The following NUP153 variants were observed in gnomAD, a reference collection of about 807,000 sequenced individuals.
The protein encoded by NUP153 is nucleoporin 153, also known as nuclear pore complex protein Nup153.
NUP153 carries 27 observed loss-of-function variants against 134.6 expected under a neutral mutation model. The observed-to-expected ratio is 0.20, with a 90% CI of 0.15 to 0.28. NUP153 has a LOEUF of 0.28. Among genes scored for constraint, NUP153 ranks in the 10% least tolerant of loss-of-function variants. The probability of loss-of-function intolerance (pLI) is 1.00; values close to 1 mark genes in which losing one functional copy is unlikely to be tolerated. For missense variants in NUP153, 1,821 were observed against 1,731.3 expected (o/e 1.05, Z -0.92); for synonymous variants, 640 against 623.5 (o/e 1.03, Z -0.40).
chr6:17,647,375 G>C (rs1766250828), intron 13 of NUP153, among the ~76,000 whole-genome samples: 1 of 152,094 alleles, frequency 6.6e-6, no homozygotes, highest in Non-Finnish European at 1.5e-5. Flanking sequence ...AGTTGATTAG[G>C]TCCTAGTCTT....
At chr6:17,664,855 C>G (rs1032365180) in intron 9 of NUP153, among the ~76,000 whole-genome samples, 6 of 151,968 alleles carry the variant, frequency 3.9e-5, no homozygotes, top group Non-Finnish European at 8.8e-5. Context: ...GAGTTCGAGA[C>G]CAGCCTGGCC....
chr6:17,631,419 G>C (rs571372155), intron 17 of NUP153, among the ~76,000 whole-genome samples: 1 of 152,280 alleles, frequency 6.6e-6, no homozygotes, highest in East Asian at 1.9e-4. Context: ...TATGTTGCCT[G>C]GCAGTGAAGT....
chr6:17,699,481 C>CAAAA (rs147055009), intron 1 of NUP153, among the ~76,000 whole-genome samples: 1,617 of 97,492 alleles, frequency 0.017, 38 homozygotes, highest in African/African-American at 0.063. Context: ...AGACTCGTCT[C>CAAAA]AAAAAAAAAA....
At chr6:17,662,833 A>G (rs533829773) in intron 9 of NUP153, among the ~76,000 whole-genome samples, 2 of 152,280 alleles carry the variant, frequency 1.3e-5, no homozygotes, top group Non-Finnish European at 2.9e-5. Flanking sequence ...AATCATGAGG[A>G]AACATCAGAC....
chr6:17,693,999 AT>A (rs1769459690), intron 1 of NUP153, among the ~76,000 whole-genome samples: 1 of 152,074 alleles, frequency 6.6e-6, no homozygotes, highest in Non-Finnish European at 1.5e-5. Context: ...TCCCAGCTTT[AT>A]TTTTTATTAA....
In NUP153 at chr6:17,674,990, T is replaced by A; in HGVS notation, c.767A>T (p.Asp256Val). ...TGTTTTTCCAGGATAAAAAGGAGAA[T>A]CTCCAAGCTGACTGGTTTTAAGGAT... is the stretch of plus-strand genomic sequence containing the variant. ...SSILKTSQLG[D>V]SPFYPGKTTY... Residue 256 changes from aspartate (D) to valine (V), a missense_variant, in exon 5 of 22, where the codon GAT becomes GTT. Coordinates refer to ENST00000262077, the MANE Select transcript of NUP153 (RefSeq NM_005124.4). 6.2e-7 allele frequency: 1 copy of A among 1,613,346 alleles called. No homozygotes were observed. The highest frequency in any genetic ancestry group is 1.7e-4 in the Middle Eastern group (1 of 6,056).
chr6:17,629,421 A>G lies in NUP153; in HGVS notation c.2778T>C (p.Phe926=). The G allele has an allele frequency of 1.2e-6, 2 of 1,614,134 alleles. No homozygotes were observed. Among genetic ancestry groups the G allele is most frequent in the South Asian group, 1.1e-5 (1 of 91,086 alleles). ...CTATTTTGAATCCTCCCTGATCTCCAAATTTAAAATTTCCAGTGCTTGTTA... is the reference window on the plus strand; with the variant it reads ...CTATTTTGAATCCTCCCTGATCTCCGAATTTAAAATTTCCAGTGCTTGTTA... ...QTLTSTGNFK[F]GDQGGFKIGV... The change falls in exon 18 of 22, where the codon TTT becomes TTC. Residue 926 remains phenylalanine (F), a synonymous_variant. Coordinates refer to ENST00000262077, the MANE Select transcript of NUP153 (RefSeq NM_005124.4).
intron 10 of NUP153, 65 bp downstream of exon 10, chr6:17,661,953 T>C (rs1442913432): frequency 5.3e-6 from 7 of 1,315,144 alleles, no homozygotes; most frequent in South Asian, 1.3e-5. Flanking sequence ...AAGGTACATG[T>C]AAATTAAATA....
chr6:17,658,176 GATCATTT>G (rs1316872973), intron 11 of NUP153, among the ~76,000 whole-genome samples: 2 of 152,192 alleles, frequency 1.3e-5, no homozygotes, highest in African/African-American at 4.8e-5. Context: ...GAGGCAGGCA[GATCATTT>G]GTCAGGAGTT....
chr6:17,672,763 G>A (rs2113831251), intron 5 of NUP153, among the ~76,000 whole-genome samples: 1 of 152,196 alleles, frequency 6.6e-6, no homozygotes, highest in Non-Finnish European at 1.5e-5. Flanking sequence ...AGGATTGCTT[G>A]AGCCCAGCAG....
intron 9 of NUP153, among the ~76,000 whole-genome samples, chr6:17,664,972 G>T (rs1474016281): frequency 6.9e-6 from 1 of 145,476 alleles, no homozygotes; most frequent in Non-Finnish European, 1.5e-5. Context: ...AGAATCACTT[G>T]AACCCGGGAG....
chr6:17,628,610 T>TAAA lies in NUP153; in HGVS notation c.3544+42_3544+44dup, dbSNP rs11422297. The TAAA allele has an allele frequency of 6.0e-3, 5,540 of 928,446 alleles. 2 individuals are homozygous for TAAA. Among genetic ancestry groups the TAAA allele is most frequent in the Non-Finnish European group, 6.9e-3 (5,025 of 729,642 alleles). The allele number at this position is 928,446 out of a possible 1,614,324, so 57.5% of individuals were successfully genotyped here. On this transcript the variant is annotated intron_variant, in intron 18 of 21. Transcript: ENST00000262077. The surrounding 1 kb of genome is among the most constrained non-coding windows in gnomAD (Gnocchi z 5.4). ...AGGCAACTTGTAAAACGACAACTTGTAAAAAAAAAAATAATAATAATAATA... is the reference window on the plus strand; with the variant it reads ...AGGCAACTTGTAAAACGACAACTTGTAAAAAAAAAAAAAATAATAATAATAATA...
chr6:17,656,435 T>G (rs1766825504), intron 11 of NUP153, among the ~76,000 whole-genome samples: 1 of 152,022 alleles, frequency 6.6e-6, no homozygotes, highest in Non-Finnish European at 1.5e-5. Flanking sequence ...GGAGTTTTTT[T>G]TATTTGTTAT....
At chr6:17,694,831 T>G (rs1769531411) in intron 1 of NUP153, among the ~76,000 whole-genome samples, 1 of 151,576 alleles carries the variant, frequency 6.6e-6, no homozygotes, top group African/African-American at 2.4e-5. Flanking sequence ...AAAAAAAAAG[T>G]AGCCGGGCAT....
chr6:17,669,351 A>G lies in NUP153; in HGVS notation c.970-14T>C, dbSNP rs1489543691. 2 of 1,607,142 alleles carry G rather than the reference A, an allele frequency of 1.2e-6. No individual in the cohort carries two copies. The highest frequency in any genetic ancestry group is 1.7e-6 in the Non-Finnish European group (2 of 1,173,890). ...TCTTTTTGCATCCTGTTAAAGTTGA[A>G]AAAATAACAAAATTAAGATTTTTCA... On this transcript the variant is annotated splice_polypyrimidine_tract_variant and intron_variant, in intron 6 of 21. Transcript: ENST00000262077.
intron 2 of NUP153, among the ~76,000 whole-genome samples, chr6:17,682,261 TAAC>T (rs1321540651): frequency 3.3e-5 from 5 of 152,228 alleles, no homozygotes; most frequent in East Asian, 3.9e-4. Flanking sequence ...TGCTAACAAA[TAAC>T]AATCTGCTGA....
Position 17,675,594 on chromosome 6 carries a change from C to A in NUP153, c.511G>T (p.Asp171Tyr). 1 of 1,614,076 alleles carries A rather than the reference C, an allele frequency of 6.2e-7. No homozygotes were observed. Among genetic ancestry groups the A allele is most frequent in the African/African-American group, 1.3e-5 (1 of 75,022 alleles). Reference protein sequence around the residue: ...SGFSLVKEIKDSTSQHDDDNI... With the variant: ...SGFSLVKEIKYSTSQHDDDNI... ...TCATCATCATGCTGAGAGGTAGAAT[C>A]TTTAATTTCCTTTACAAGGGAAAAT... Residue 171 changes from aspartate to tyrosine, a missense_variant, in exon 3 of 22, where the codon GAT (aspartate) becomes TAT (tyrosine). Physicochemically the swap from Asp to Tyr is radical, Grantham distance 160. Transcript: ENST00000262077. This position sits in a 1 kb window ranked among gnomAD's most constrained non-coding sequence, Gnocchi z 4.4.
At chr6:17,643,201 G>C (rs570962714) in intron 14 of NUP153, among the ~76,000 whole-genome samples, 1 of 152,186 alleles carries the variant, frequency 6.6e-6, no homozygotes, top group Non-Finnish European at 1.5e-5. Context: ...GGCTGGACGC[G>C]GTGGCTCACA....
intron 1 of NUP153, among the ~76,000 whole-genome samples, chr6:17,700,765 T>C (rs777501169): frequency 9.1e-4 from 139 of 152,246 alleles, no homozygotes; most frequent in Non-Finnish European, 1.3e-3. Flanking sequence ...TTGGTCTTTT[T>C]TCATACAAGC....
Sources: allele counts gnomAD v4.1 joint callset (sites outside exome capture counted in the v4.1 genomes callset), GRCh38; gene constraint gnomAD v4.1.1; non-coding constraint Gnocchi (gnomAD v3.1); transcripts MANE v1.5; gene names NCBI Gene and HGNC (gene_info 2026-07-23, HGNC 2026-07-21).